The following SYNE1 variants were observed in gnomAD, a reference collection of about 807,000 sequenced individuals.
SYNE1 encodes spectrin repeat containing nuclear envelope protein 1, also known as nesprin-1.
A neutral mutation model predicts 1,111.0 loss-of-function variants in SYNE1; 616 were observed. The ratio of observed to expected loss-of-function variants is 0.55; its 90% CI spans 0.52 to 0.59. SYNE1 has a LOEUF of 0.59. SYNE1 is among the 20% of genes least tolerant of loss of function. SYNE1 has a pLI of 0.00. For synonymous variants in SYNE1, 3,855 were observed against 3,825.8 expected (o/e 1.01, Z -0.28); for missense variants, 10,006 against 10,417.0 (o/e 0.96, Z 1.72).
At chr6:152,541,555 T>C (rs1443279791) in intron 3 of SYNE1, among the ~76,000 whole-genome samples, 1 of 151,990 alleles carries the variant, frequency 6.6e-6, no homozygotes, top group Non-Finnish European at 1.5e-5. Context: ...AAGACCATCC[T>C]GGCTAACACG....
At chr6:152,284,306 T>C (rs2094197952) in intron 95 of SYNE1, 134 bp from the exon 96 acceptor site, 3 of 916,178 alleles carry the variant, frequency 3.3e-6, no homozygotes, top group African/African-American at 1.6e-5. Flanking sequence ...AATCAACAAA[T>C]AGCAGCCTAC....
chr6:152,553,867 T>A (rs2099356233), intron 3 of SYNE1, among the ~76,000 whole-genome samples: 1 of 152,130 alleles, frequency 6.6e-6, no homozygotes, highest in Non-Finnish European at 1.5e-5. Flanking sequence ...GAAGCAGAAT[T>A]AGGACACAGG....
intron 91 of SYNE1, 25 bp from the exon 92 acceptor site, chr6:152,302,088 G>C (rs1244673555): frequency 6.2e-7 from 1 of 1,613,988 alleles, no homozygotes; most frequent in Non-Finnish European, 8.5e-7. Flanking sequence ...CCCCCACCGG[G>C]GTGTCAGAGC....
Position 152,425,393 on chromosome 6 carries a change from A to G in SYNE1, c.5255T>C (p.Ile1752Thr). ...LDERWRDLPQ[I>T]INKRINFLQS... Reference sequence around the variant, plus strand: ...TTTTAGAACCAACCTTTTGTTAATGATCTGTGGTAAATCTCTCCATCTCTC... The same window carrying G: ...TTTTAGAACCAACCTTTTGTTAATGGTCTGTGGTAAATCTCTCCATCTCTC... Residue 1752 changes from isoleucine to threonine, a missense_variant, in exon 39 of 146, where the codon ATC becomes ACC. This residue lies in a region of SYNE1 where 1,971 missense variants were observed against 2,084.1 expected (regional missense o/e 0.95). Transcript: ENST00000367255. The G allele has an allele frequency of 6.2e-7, 1 of 1,614,144 alleles. No individual in the cohort carries two copies. The highest frequency in any genetic ancestry group is 1.7e-4 in the Middle Eastern group (1 of 6,060).
chr6:152,151,943 G>A lies in SYNE1; in HGVS notation c.24312+16C>T, dbSNP rs1586292820. 6 of 1,613,736 alleles carry A rather than the reference G, an allele frequency of 3.7e-6. No individual in the cohort carries two copies. Among genetic ancestry groups the A allele is most frequent in the African/African-American group, 1.3e-5 (1 of 74,894 alleles). ...ATCCTCTGGCCTCTAAATTACAGAT[G>A]AGGCATAGCAAAAACCTTGAGTCTG... On this transcript the variant is annotated intron_variant, in intron 134 of 145. Coordinates refer to ENST00000367255, the MANE Select transcript of SYNE1 (RefSeq NM_182961.4).
intron 131 of SYNE1, among the ~76,000 whole-genome samples, chr6:152,160,724 A>G (rs560881314): frequency 6.6e-6 from 1 of 152,180 alleles, no homozygotes; most frequent in Non-Finnish European, 1.5e-5. Flanking sequence ...AATTATAAAG[A>G]ATTTTTCTCC....
At chr6:152,338,896 G>T (rs2096467908) in intron 75 of SYNE1, among the ~76,000 whole-genome samples, 1 of 152,046 alleles carries the variant, frequency 6.6e-6, no homozygotes, top group Admixed American at 6.6e-5. Flanking sequence ...ATTAAGTATT[G>T]CCTAAAGAAA....
At chr6:152,489,978 T>G (rs2098961716) in intron 11 of SYNE1, among the ~76,000 whole-genome samples, 1 of 152,204 alleles carries the variant, frequency 6.6e-6, no homozygotes, top group South Asian at 2.1e-4. Flanking sequence ...TCTATGATCC[T>G]GTGACAACCT....
rs539384181 is a variant in SYNE1 at position 152,349,143 on chromosome 6, G to A, written c.11901+1025C>T. Among the ~76,000 whole-genome samples, 94 of 152,352 alleles carry A rather than the reference G, an allele frequency of 6.2e-4. No homozygotes were observed. The Middle Eastern group carries it at 0.01, about 17-fold the overall frequency. On this transcript the variant is annotated intron_variant, in intron 72 of 145. Transcript: ENST00000367255. ...CACTGTCAGACACTGACCACATGAT[G>A]AGTAAACTTGTTTTCCATTAAGATC...
rs1324795930 is a variant in SYNE1 at position 152,208,128 on chromosome 6, C to T, written c.22668G>A (p.Gly7556=). ...ACTGGCGAATCTGGCTGTCAATGAT[C>T]CCCCGCCTCTGCTGGGCCCTGCGAA... ...GVIRRAQQRR[G]IIDSQIRQWQ... is the part of the protein sequence containing the mutation. Residue 7556 remains glycine (G), a synonymous_variant, in exon 125 of 146, where the codon GGG becomes GGA. Coordinates refer to ENST00000367255, the MANE Select transcript of SYNE1 (RefSeq NM_182961.4). 6.2e-7 allele frequency: 1 copy of T among 1,613,990 alleles called. No individual in the cohort carries two copies. Among genetic ancestry groups the T allele is most frequent in the South Asian group, 1.1e-5 (1 of 91,076 alleles).
intron 56 of SYNE1, among the ~76,000 whole-genome samples, chr6:152,379,251 TTC>T (rs1223897977): frequency 1.3e-4 from 20 of 152,312 alleles, no homozygotes; most frequent in African/African-American, 4.8e-4. Flanking sequence ...GTATTTCTGA[TTC>T]TGTTAAGTTC....
chr6:152,180,663 G>GA (rs147340968), intron 128 of SYNE1, among the ~76,000 whole-genome samples: 2,114 of 149,038 alleles, frequency 0.014, 60 homozygotes, highest in African/African-American at 0.049. Flanking sequence ...AAGAAGGGAG[G>GA]AAAAAAAAGG....
At chr6:152,423,257 T>G (rs2098296064) in intron 39 of SYNE1, among the ~76,000 whole-genome samples, 1 of 152,240 alleles carries the variant, frequency 6.6e-6, no homozygotes, top group African/African-American at 2.4e-5. Flanking sequence ...ACAATCTTTC[T>G]GTAACCTCAA....
chr6:152,268,205 T>C, intron 99 of SYNE1, 40 bp from the exon 100 acceptor site: 1 of 1,470,150 alleles, frequency 6.8e-7, no homozygotes, highest in South Asian at 1.1e-5. Flanking sequence ...CATTTGCTAC[T>C]TTATGATTAT....
chr6:152,446,453 C>T (rs2098593447), intron 29 of SYNE1, among the ~76,000 whole-genome samples: 1 of 151,976 alleles, frequency 6.6e-6, no homozygotes, highest in South Asian at 2.1e-4. Flanking sequence ...GTAAGCAGTT[C>T]AGAGTATTTT....
intron 109 of SYNE1, 48 bp downstream of exon 109, chr6:152,236,769 A>G: frequency 6.2e-7 from 1 of 1,611,742 alleles, no homozygotes; most frequent in Non-Finnish European, 8.5e-7. Context: ...ATTCTGTTAA[A>G]ACTATTGGTA....
In SYNE1 at chr6:152,407,066, A is replaced by G. The variant is rs1211374982; in HGVS notation, c.6671T>C (p.Ile2224Thr). ...TCTGAGGTGGTTATCCAGGTTGCTG[A>G]TGTTTTCTGCCATCTGTGGAACGCA... ...NNCVPQMAEN[I>T]SNLDNHLRAE... Residue 2224 changes from isoleucine (I) to threonine (T), a missense_variant, in exon 45 of 146, where the codon ATC becomes ACC. Ile to Thr is a moderately conservative substitution (Grantham distance 89, BLOSUM62 -1). Coordinates refer to ENST00000367255, the MANE Select transcript of SYNE1 (RefSeq NM_182961.4). 6.2e-7 allele frequency: 1 copy of G among 1,613,648 alleles called. No individual in the cohort carries two copies. The highest frequency in any genetic ancestry group is 8.5e-7 in the Non-Finnish European group (1 of 1,179,960).
chr6:152,510,180 T>C lies in SYNE1; in HGVS notation c.581+13A>G. The C allele has an allele frequency of 1.2e-6, 2 of 1,613,624 alleles. No individual in the cohort carries two copies. Among genetic ancestry groups the C allele is most frequent in the Non-Finnish European group, 1.7e-6 (2 of 1,179,618 alleles). ...TTAACGGTTTCAAATTTAGACAAAC[T>C]CTTGATACTTACTTGCCAGCTGTGT... On this transcript the variant is annotated intron_variant, in intron 8 of 145. Transcript: ENST00000367255.
At chr6:152,554,795 A>T (rs542179162) in intron 3 of SYNE1, among the ~76,000 whole-genome samples, 15 of 152,234 alleles carry the variant, frequency 9.9e-5, no homozygotes, top group African/African-American at 3.6e-4. Flanking sequence ...ATCATCACCC[A>T]AGAGCCTACA....
Sources: gnomAD v4.1 joint callset for allele counts (sites outside exome capture counted in the v4.1 genomes callset) on GRCh38, gnomAD v4.1.1 for gene constraint, gnomAD v4.1.1 regional missense constraint, MANE v1.5 for transcripts, NCBI Gene and HGNC (gene_info 2026-07-23, HGNC 2026-07-21) for gene names.